STK31: variants seen among roughly 807,000 people sequenced by gnomAD.
STK31 encodes serine/threonine-protein kinase 31.
STK31 carries 89 observed loss-of-function variants against 129.7 expected under a neutral mutation model. That is an observed-to-expected ratio of 0.69 (90% CI 0.58 to 0.82). STK31 has a LOEUF of 0.82. Ranked by LOEUF, STK31 falls within the 40% of genes least tolerant of loss-of-function variation. STK31 has a pLI of 0.00. For synonymous variants in STK31, 448 were observed against 395.3 expected (o/e 1.13, Z -1.58); for missense variants, 1,187 against 1,176.4 (o/e 1.01, Z -0.13).
At chr7:23,752,278 C>T (rs1788755757) in intron 8 of STK31, among the ~76,000 whole-genome samples, 1 of 151,546 alleles carries the variant, frequency 6.6e-6, no homozygotes, top group African/African-American at 2.4e-5. Flanking sequence ...TTAATTGAAG[C>T]AGTTAAAAAT....
At chr7:23,730,222 A>G (rs1286564417) in intron 6 of STK31, among the ~76,000 whole-genome samples, 1 of 152,028 alleles carries the variant, frequency 6.6e-6, no homozygotes, top group Non-Finnish European at 1.5e-5. Flanking sequence ...TGTAATTCTT[A>G]TTTATAATAG....
chr7:23,749,309 A>G (rs545483124), intron 8 of STK31, among the ~76,000 whole-genome samples: 3 of 149,374 alleles, frequency 2.0e-5, no homozygotes, highest in African/African-American at 7.4e-5. Context: ...GCCCTAGAGT[A>G]TGCCTTGTAA....
chr7:23,779,963 G>C (rs960816348), intron 15 of STK31, among the ~76,000 whole-genome samples: 2 of 152,224 alleles, frequency 1.3e-5, no homozygotes, highest in African/African-American at 4.8e-5. Flanking sequence ...GGGCACTGGT[G>C]ATGTATGCAT....
intron 22 of STK31, among the ~76,000 whole-genome samples, chr7:23,810,188 G>A (rs1055276386): frequency 7.2e-5 from 11 of 151,950 alleles, no homozygotes; most frequent in Admixed American, 6.6e-4. Flanking sequence ...TTGCTCTAAT[G>A]TCTACTTTGT....
intron 5 of STK31, among the ~76,000 whole-genome samples, chr7:23,728,145 C>T (rs1490628348): frequency 2.4e-5 from 3 of 126,406 alleles, no homozygotes; most frequent in Non-Finnish European, 4.7e-5. Flanking sequence ...TTTAGGGAGA[C>T]AGAATTCTGA....
intron 10 of STK31, among the ~76,000 whole-genome samples, chr7:23,761,187 G>C (rs1789439801): frequency 6.6e-6 from 1 of 152,160 alleles, no homozygotes. Context: ...TATGAGTACA[G>C]ATGTGACTTT....
At chr7:23,760,830 A>AT (rs1789418569) in intron 10 of STK31, among the ~76,000 whole-genome samples, 2 of 151,872 alleles carry the variant, frequency 1.3e-5, no homozygotes, top group Non-Finnish European at 2.9e-5. Context: ...TGCCTGGCTA[A>AT]TTTTTTTGTA....
Position 23,815,924 on chromosome 7 carries a change from A to G in STK31, c.2829+712A>G, listed in dbSNP as rs977869839. Among the ~76,000 whole-genome samples the G allele has an allele frequency of 2.0e-5, 3 of 152,180 alleles. No individual in the cohort carries two copies. The South Asian group carries it at 6.2e-4, about 32-fold the overall frequency. ...GATAAATATGGCAGTAAATGAGTCT[A>G]TAAGAGTATAATGATCAGACTCTGG... On this transcript the variant is annotated intron_variant, in intron 23 of 23. Transcript: ENST00000355870.
rs920764701 is a variant in STK31, at chr7:23,727,568, T to C, written c.324+253T>C. 1.9e-3 allele frequency: 671 copies of C among 345,606 alleles called. 7 individuals are homozygous for C. Among genetic ancestry groups the C allele is most frequent in the African/African-American group, 0.015 (641 of 42,350 alleles). The allele number at this position is 345,606 out of a possible 1,614,324, so 21.4% of individuals were successfully genotyped here. ...TTTTACCTCAGTTCTTTTTTTTTTT[T>C]TTTTTTTTTTTTGAGATGGAGTCTT... On this transcript the variant is annotated intron_variant, in intron 5 of 23. Coordinates refer to ENST00000355870, the MANE Select transcript of STK31 (RefSeq NM_031414.5).
chr7:23,792,878 G>T (rs1161539757), intron 22 of STK31, among the ~76,000 whole-genome samples: 1 of 152,158 alleles, frequency 6.6e-6, no homozygotes, highest in East Asian at 1.9e-4. Context: ...ATAGAAATTA[G>T]CTGGGTGTAA....
At chr7:23,758,351 C>A (rs550426283) in intron 10 of STK31, among the ~76,000 whole-genome samples, 1 of 151,814 alleles carries the variant, frequency 6.6e-6, no homozygotes. Flanking sequence ...CTATTTGATT[C>A]TTCTCTCTCT....
intron 4 of STK31, among the ~76,000 whole-genome samples, chr7:23,724,803 T>C (rs1382017897): frequency 1.3e-5 from 2 of 152,230 alleles, no homozygotes; most frequent in African/African-American, 4.8e-5. Context: ...AATTATGAAT[T>C]GAATACACTT....
intron 4 of STK31, among the ~76,000 whole-genome samples, chr7:23,719,234 A>T (rs1351239323): frequency 6.6e-6 from 1 of 152,130 alleles, no homozygotes; most frequent in Non-Finnish European, 1.5e-5. Context: ...TTAAAAAATA[A>T]AAGATATATT....
intron 22 of STK31, among the ~76,000 whole-genome samples, chr7:23,805,144 C>T (rs1040391991): frequency 7.3e-5 from 11 of 150,998 alleles, no homozygotes; most frequent in Non-Finnish European, 1.2e-4. Context: ...GGTGTGATCT[C>T]GGCTCACTGC....
intron 22 of STK31, among the ~76,000 whole-genome samples, chr7:23,807,638 C>T (rs1792789742): frequency 6.6e-6 from 1 of 152,022 alleles, no homozygotes; most frequent in Non-Finnish European, 1.5e-5. Flanking sequence ...TTTAGCCCCC[C>T]ACCCTTTCTC....
At chr7:23,721,571 T>C in intron 4 of STK31, 1 of 926,582 alleles carries the variant, frequency 1.1e-6, no homozygotes, top group Non-Finnish European at 1.8e-6. Context: ...TGGAGCCCTT[T>C]GCGGAATCCC....
chr7:23,795,375 T>G (rs939232754), intron 22 of STK31, among the ~76,000 whole-genome samples: 3 of 152,216 alleles, frequency 2.0e-5, no homozygotes, highest in African/African-American at 7.2e-5. Flanking sequence ...TTTGGGAACT[T>G]CCACCTAGAT....
intron 22 of STK31, among the ~76,000 whole-genome samples, chr7:23,800,377 T>C (rs766570445): frequency 1.3e-5 from 2 of 152,156 alleles, no homozygotes; most frequent in South Asian, 2.1e-4. Flanking sequence ...GTGGCACATA[T>C]ACACCATGCA....
In STK31 at chr7:23,754,415, G is replaced by C; in HGVS notation, c.1234G>C (p.Glu412Gln). 6.2e-7 allele frequency: 1 copy of C among 1,614,062 alleles called. No homozygotes were observed. The highest frequency in any genetic ancestry group is 2.2e-5 in the East Asian group (1 of 44,874). Residue 412 changes from glutamate to glutamine, a missense_variant, in exon 10 of 24, where the codon GAG becomes CAG. Around this residue, in one of 5 missense-constraint regions of STK31, gnomAD observed 975 missense variants for 934.9 expected, o/e 1.04. Transcript: ENST00000355870. ...FTTPASLNGL[E>Q]IIWAEYSLAQ... ...TACTCCAGCTTCTTTGAATGGATTAGAGATAATATGGGCAGAATACAGTCT... is the reference window on the plus strand; with the variant it reads ...TACTCCAGCTTCTTTGAATGGATTACAGATAATATGGGCAGAATACAGTCT...
Sources: allele counts gnomAD v4.1 joint callset (sites outside exome capture counted in the v4.1 genomes callset), GRCh38; gene constraint gnomAD v4.1.1; regional missense constraint gnomAD v4.1.1; transcripts MANE v1.5; gene names NCBI Gene and HGNC (gene_info 2026-07-23, HGNC 2026-07-21).